RAD51B: variants seen among roughly 807,000 people sequenced by gnomAD.
The protein encoded by RAD51B is DNA repair protein RAD51 homolog 2.
RAD51B carries 38 observed loss-of-function variants against 42.2 expected under a neutral mutation model. The ratio of observed to expected loss-of-function variants is 0.90; its 90% CI spans 0.70 to 1.18. RAD51B has a LOEUF of 1.18. RAD51B is among the 50% of genes most tolerant of loss of function. The probability of loss-of-function intolerance (pLI) is 0.00; values close to 1 mark genes in which losing one functional copy is unlikely to be tolerated. For synonymous variants in RAD51B, 154 were observed against 145.2 expected, an observed-to-expected ratio of 1.06 and a Z score of -0.43; for missense variants, 373 against 400.7, an observed-to-expected ratio of 0.93 and a Z score of 0.59.
chr14:68,635,627 TA>T (rs1249331072), intron 10 of RAD51B, among the ~76,000 whole-genome samples: 1 of 152,178 alleles, frequency 6.6e-6, no homozygotes, highest in Non-Finnish European at 1.5e-5. Flanking sequence ...GTTACCAATA[TA>T]AAAATTATTT....
chr14:67,969,396 A>C (rs144570818), intron 7 of RAD51B, among the ~76,000 whole-genome samples: 13 of 152,258 alleles, frequency 8.5e-5, no homozygotes, highest in African/African-American at 3.1e-4. Context: ...ACCCACTTCT[A>C]CCCAATTACT....
intron 4 of RAD51B, among the ~76,000 whole-genome samples, chr14:67,844,678 G>A (rs887142801): frequency 6.6e-6 from 1 of 150,920 alleles, no homozygotes; most frequent in African/African-American, 2.4e-5. Context: ...GTGCAGGTTT[G>A]TTACATATGT....
At chr14:68,439,072 C>T (rs2085216970) in intron 9 of RAD51B, among the ~76,000 whole-genome samples, 1 of 152,042 alleles carries the variant, frequency 6.6e-6, no homozygotes, top group Non-Finnish European at 1.5e-5. Flanking sequence ...TTGCATTTCC[C>T]AGTCTCCCTT....
intron 5 of RAD51B, among the ~76,000 whole-genome samples, chr14:67,879,519 T>C (rs1025825366): frequency 2.6e-5 from 4 of 152,096 alleles, no homozygotes; most frequent in Non-Finnish European, 5.9e-5. Context: ...CATAGTTCAC[T>C]GTAACCTCCA....
intron 7 of RAD51B, among the ~76,000 whole-genome samples, chr14:67,931,500 CTTTTT>C (rs539507230): frequency 1.7e-5 from 2 of 117,570 alleles, no homozygotes; most frequent in Non-Finnish European, 3.6e-5. Flanking sequence ...TCTGGGATTT[CTTTTT>C]TTTTTTTTTT....
chr14:68,648,122 TATAC>T (rs1892617380), intron 10 of RAD51B, among the ~76,000 whole-genome samples: 1 of 72,904 alleles, frequency 1.4e-5, no homozygotes, highest in African/African-American at 4.6e-5. Context: ...CGTATATATA[TATAC>T]ACACACGTAT....
At chr14:68,560,263 G>A (rs895264668) in intron 10 of RAD51B, among the ~76,000 whole-genome samples, 2 of 152,140 alleles carry the variant, frequency 1.3e-5, no homozygotes, top group African/African-American at 4.8e-5. Context: ...AGCTGTTGGA[G>A]AGGCGGAAAA....
intron 7 of RAD51B, among the ~76,000 whole-genome samples, chr14:68,161,454 T>C (rs1455272179): frequency 6.6e-6 from 1 of 152,190 alleles, no homozygotes; most frequent in Admixed American, 6.5e-5. Context: ...ATCCCTGCAC[T>C]AGGCATTAAG....
chr14:68,318,807 G>C (rs1408524257), intron 8 of RAD51B, among the ~76,000 whole-genome samples: 2 of 152,142 alleles, frequency 1.3e-5, no homozygotes, highest in African/African-American at 4.8e-5. Flanking sequence ...GTTTCATCTG[G>C]GGGAAGATAA....
rs557076562 is a variant in RAD51B, at chr14:68,118,089, C to T, written c.757-173795C>T. 2.6e-4 allele frequency among the ~76,000 whole-genome samples: 39 copies of T among 152,158 alleles called. No homozygotes were observed. In the Middle Eastern group the frequency reaches 0.024, roughly 93 times the overall value. Reference sequence around the variant, plus strand: ...CTATAATTTAAAAAATAACAATTTGCCATCAACAAGGATATTTATTTCCTT... The same window carrying T: ...CTATAATTTAAAAAATAACAATTTGTCATCAACAAGGATATTTATTTCCTT... On this transcript the variant is annotated intron_variant, in intron 7 of 10. Transcript: ENST00000471583.
chr14:68,185,520 A>G (rs2079140337), intron 7 of RAD51B, among the ~76,000 whole-genome samples: 1 of 152,230 alleles, frequency 6.6e-6, no homozygotes, highest in African/African-American at 2.4e-5. Flanking sequence ...AGGCTACAGG[A>G]AAAACATGAT....
At chr14:68,086,564 TG>T (rs1566632941) in intron 7 of RAD51B, among the ~76,000 whole-genome samples, 1 of 152,044 alleles carries the variant, frequency 6.6e-6, no homozygotes, top group Non-Finnish European at 1.5e-5. Flanking sequence ...CCTTTCTGTA[TG>T]GGATGCAGGG....
intron 8 of RAD51B, among the ~76,000 whole-genome samples, chr14:68,295,684 A>G (rs1170876541): frequency 6.6e-6 from 1 of 152,154 alleles, no homozygotes; most frequent in Non-Finnish European, 1.5e-5. Flanking sequence ...CCTCTGCATC[A>G]GAGCAGAAGG....
chr14:68,366,786 C>T (rs1430975982), intron 8 of RAD51B, among the ~76,000 whole-genome samples: 1 of 152,188 alleles, frequency 6.6e-6, no homozygotes, highest in African/African-American at 2.4e-5. Flanking sequence ...CATTAGTGGG[C>T]ATGTAAATGA....
intron 11 of RAD51B, among the ~76,000 whole-genome samples, chr14:68,656,142 G>C (rs1029149775): frequency 6.6e-6 from 1 of 152,156 alleles, no homozygotes; most frequent in South Asian, 2.1e-4. Context: ...CCATGTACAA[G>C]GGGCTCGGGC....
In RAD51B at chr14:68,140,641, G is replaced by A. The variant is rs542987424; in HGVS notation, c.757-151243G>A. 6.6e-5 allele frequency among the ~76,000 whole-genome samples: 10 copies of A among 152,282 alleles called. No individual in the cohort carries two copies. The East Asian group carries it at 7.7e-4, about 12-fold the overall frequency. On this transcript the variant is annotated intron_variant, in intron 7 of 10. Transcript: ENST00000471583. ...ACTTGGGATGCAAAGCCAAATTCAC[G>A]TCACTTTCAAGGTTCACTAATCAGA... is the stretch of plus-strand genomic sequence containing the variant.
At chr14:68,022,104 C>T (rs923428741) in intron 7 of RAD51B, among the ~76,000 whole-genome samples, 2 of 152,168 alleles carry the variant, frequency 1.3e-5, no homozygotes, top group Non-Finnish European at 2.9e-5. Flanking sequence ...CCCTAGTAGT[C>T]CACAGTGTCT....
intron 7 of RAD51B, among the ~76,000 whole-genome samples, chr14:68,162,604 T>C (rs777585042): frequency 1.3e-5 from 2 of 152,026 alleles, no homozygotes; most frequent in Non-Finnish European, 2.9e-5. Flanking sequence ...GCTAACACGG[T>C]GAAACCCCGT....
chr14:67,865,176 T>C (rs2042296873), intron 5 of RAD51B, 37 bp downstream of exon 5: 1 of 1,552,586 alleles, frequency 6.4e-7, no homozygotes, highest in Non-Finnish European at 8.7e-7. Flanking sequence ...TGTTTTACTT[T>C]TGTAACTTAT....
Sources: allele counts gnomAD v4.1 joint callset (sites outside exome capture counted in the v4.1 genomes callset), GRCh38; gene constraint gnomAD v4.1.1; transcripts MANE v1.5; gene names NCBI Gene and HGNC (gene_info 2026-07-23, HGNC 2026-07-21).